The following FHIP1A variants were observed in gnomAD, a reference collection of about 807,000 sequenced individuals.
The protein encoded by FHIP1A is FHF complex subunit HOOK interacting protein 1A.
Under a neutral mutation model 88.6 loss-of-function variants are expected in FHIP1A, and 61 were observed. That is an observed-to-expected ratio of 0.69 (90% CI 0.56 to 0.85). The LOEUF is 0.85. FHIP1A is among the 40% of genes least tolerant of loss of function. The pLI, the probability that FHIP1A is intolerant of heterozygous loss-of-function variation, is 0.00. For missense variants in FHIP1A, 1,154 were observed against 1,273.5 expected (o/e 0.91, Z 1.43); for synonymous variants, 478 against 496.0 (o/e 0.96, Z 0.48).
At chr4:151,530,399 G>T (rs1328719087) in intron 3 of FHIP1A, among the ~76,000 whole-genome samples, 5 of 152,128 alleles carry the variant, frequency 3.3e-5, no homozygotes, top group Non-Finnish European at 5.9e-5. Flanking sequence ...AGATGAAAGT[G>T]GGTACCCATG....
At chr4:151,566,067 A>AATTT (rs1164869456) in intron 3 of FHIP1A, 71 bp from the exon 4 acceptor site, 1 of 427,560 alleles carries the variant, frequency 2.3e-6, no homozygotes. Flanking sequence ...CTTTGATTTA[A>AATTT]ATTTAATAGT....
At chr4:151,645,732 T>C (rs1736768814) in intron 9 of FHIP1A, among the ~76,000 whole-genome samples, 1 of 151,514 alleles carries the variant, frequency 6.6e-6, no homozygotes, top group Non-Finnish European at 1.5e-5. Context: ...AAGCAGTATG[T>C]TTTTTTTCCC....
intron 3 of FHIP1A, among the ~76,000 whole-genome samples, chr4:151,501,931 G>T (rs957976134): frequency 2.6e-5 from 4 of 151,364 alleles, no homozygotes; most frequent in Non-Finnish European, 4.4e-5. Context: ...GAAATGGACA[G>T]AAACTATCTA....
chr4:151,662,845 C>G lies in FHIP1A; in HGVS notation c.*91C>G. Reference sequence around the variant, plus strand: ...AATGCAAAGCTGCTTACAAAGATTTCTACTTTAATGTTTCCTGACAATACT... The same window carrying G: ...AATGCAAAGCTGCTTACAAAGATTTGTACTTTAATGTTTCCTGACAATACT... On this transcript the variant is annotated 3_prime_UTR_variant, in exon 14 of 14. Transcript: ENST00000435205. 1 of 1,200,112 alleles carries G rather than the reference C, an allele frequency of 8.3e-7. No individual in the cohort carries two copies. Among genetic ancestry groups the G allele is most frequent in the Non-Finnish European group, 1.1e-6 (1 of 895,336 alleles). The allele number at this position is 1,200,112 out of a possible 1,614,324, so 74.3% of individuals were successfully genotyped here.
chr4:151,581,571 T>G (rs1578779671), intron 5 of FHIP1A, among the ~76,000 whole-genome samples: 1 of 152,304 alleles, frequency 6.6e-6, no homozygotes, highest in East Asian at 1.9e-4. Flanking sequence ...AAACAACATC[T>G]CCAGCTGACC....
At chr4:151,511,111 A>G (rs1180963549) in intron 3 of FHIP1A, among the ~76,000 whole-genome samples, 1 of 152,218 alleles carries the variant, frequency 6.6e-6, no homozygotes, top group Admixed American at 6.5e-5. Context: ...AATCCCCATT[A>G]GGCTGCTCCA....
chr4:151,484,604 G>A (rs1044204155), intron 3 of FHIP1A, among the ~76,000 whole-genome samples: 2 of 152,230 alleles, frequency 1.3e-5, no homozygotes, highest in African/African-American at 4.8e-5. Context: ...GACCACCCAA[G>A]TGGAAAATGG....
chr4:151,586,229 C>T (rs569749519), intron 5 of FHIP1A, among the ~76,000 whole-genome samples: 1 of 152,178 alleles, frequency 6.6e-6, no homozygotes, highest in Admixed American at 6.5e-5. Context: ...GGGGTATGTG[C>T]CTTCTCTGTA....
chr4:151,512,377 CT>C (rs1340476648), intron 3 of FHIP1A, among the ~76,000 whole-genome samples: 2 of 152,326 alleles, frequency 1.3e-5, no homozygotes, highest in African/African-American at 4.8e-5. Flanking sequence ...AAAGTGGAAA[CT>C]CTAAAAAGCA....
At chr4:151,516,691 A>T (rs1412842683) in intron 3 of FHIP1A, among the ~76,000 whole-genome samples, 1 of 152,256 alleles carries the variant, frequency 6.6e-6, no homozygotes, top group Non-Finnish European at 1.5e-5. Flanking sequence ...GCCAAAAGAC[A>T]CATGAAAAAA....
At chr4:151,604,899 G>T (rs1204035533) in intron 7 of FHIP1A, among the ~76,000 whole-genome samples, 1 of 151,928 alleles carries the variant, frequency 6.6e-6, no homozygotes, top group Non-Finnish European at 1.5e-5. Context: ...ATGAGTTTTT[G>T]TTGGGTTCTG....
At chr4:151,659,399 T>G (rs1024692113) in intron 13 of FHIP1A, among the ~76,000 whole-genome samples, 1 of 152,208 alleles carries the variant, frequency 6.6e-6, no homozygotes, top group South Asian at 2.1e-4. Context: ...CTGGGAGGCC[T>G]GTTCTCACTG....
chr4:151,649,375 C>T (rs1271431713), intron 10 of FHIP1A, 84 bp from the exon 11 acceptor site: 2 of 942,804 alleles, frequency 2.1e-6, no homozygotes, highest in African/African-American at 1.7e-5. Flanking sequence ...AAGACACAGT[C>T]TTAGCCCGAA....
chr4:151,543,038 T>C (rs575135045), intron 3 of FHIP1A, among the ~76,000 whole-genome samples: 5 of 152,352 alleles, frequency 3.3e-5, no homozygotes, highest in East Asian at 3.9e-4. Context: ...TTAGCACTTA[T>C]GTATTGCTAC....
chr4:151,651,178 C>A (rs1293584568), intron 11 of FHIP1A, among the ~76,000 whole-genome samples: 2 of 152,132 alleles, frequency 1.3e-5, no homozygotes, highest in Non-Finnish European at 2.9e-5. Context: ...GTGGAGTGGA[C>A]CCACGTCAAC....
chr4:151,539,979 A>AT (rs1473643176), intron 3 of FHIP1A, among the ~76,000 whole-genome samples: 1 of 152,216 alleles, frequency 6.6e-6, no homozygotes. Context: ...CACTGAATTG[A>AT]TTCATACTGA....
chr4:151,517,254 A>C (rs936577853), intron 3 of FHIP1A, among the ~76,000 whole-genome samples: 5 of 151,866 alleles, frequency 3.3e-5, no homozygotes, highest in Admixed American at 1.3e-4. Context: ...TTGAACAATG[A>C]GAACACATGG....
At chr4:151,608,024 TTTC>T (rs1247594367) in intron 7 of FHIP1A, among the ~76,000 whole-genome samples, 1 of 147,900 alleles carries the variant, frequency 6.8e-6, no homozygotes, top group Non-Finnish European at 1.5e-5. Context: ...TTCTTTTCTT[TTTC>T]TTTCTTCTTC....
At chr4:151,563,106 T>C (rs1733237505) in intron 3 of FHIP1A, among the ~76,000 whole-genome samples, 2 of 152,064 alleles carry the variant, frequency 1.3e-5, no homozygotes, top group African/African-American at 4.8e-5. Context: ...AAAGTATTTT[T>C]ATATATAATA....
Sources: gnomAD v4.1 joint callset for allele counts (sites outside exome capture counted in the v4.1 genomes callset) on GRCh38, gnomAD v4.1.1 for gene constraint, MANE v1.5 for transcripts, NCBI Gene and HGNC (gene_info 2026-07-23, HGNC 2026-07-21) for gene names.